Variants in ASCC3 observed in about 807,000 individuals in gnomAD.
The protein encoded by ASCC3 is ASC-1 complex subunit P200.
In ASCC3, 158 loss-of-function variants were observed where a neutral mutation model predicts 256.3. That is an observed-to-expected ratio of 0.62 (90% CI 0.54 to 0.70). The LOEUF (loss-of-function observed/expected upper bound fraction) is 0.70. ASCC3 is among the 30% of genes least tolerant of loss of function. The pLI is 0.00. For synonymous variants in ASCC3, 948 were observed against 883.4 expected (o/e 1.07, Z -1.30); for missense variants, 2,259 against 2,626.0 (o/e 0.86, Z 3.05).
chr6:100,671,025 CT>C (rs2114948982), intron 14 of ASCC3, among the ~76,000 whole-genome samples: 1 of 151,958 alleles, frequency 6.6e-6, no homozygotes, highest in African/African-American at 2.4e-5. Flanking sequence ...TTGGAAAGAC[CT>C]CCTTGTTATA....
At chr6:100,690,776 T>C (rs765689493) in intron 13 of ASCC3, among the ~76,000 whole-genome samples, 1 of 152,142 alleles carries the variant, frequency 6.6e-6, no homozygotes, top group Non-Finnish European at 1.5e-5. Context: ...TAGTGAGATG[T>C]GGTTCCACAG....
intron 37 of ASCC3, among the ~76,000 whole-genome samples, chr6:100,521,012 C>G (rs1340607004): frequency 6.6e-6 from 1 of 152,116 alleles, no homozygotes; most frequent in African/African-American, 2.4e-5. Context: ...CCTTGTAATT[C>G]TAGTCCCAGC....
intron 8 of ASCC3, among the ~76,000 whole-genome samples, chr6:100,777,726 T>A (rs1193981809): frequency 1.3e-5 from 2 of 151,950 alleles, no homozygotes; most frequent in African/African-American, 2.4e-5. Context: ...CAGGACTAAG[T>A]TGAAATGTTG....
chr6:100,581,853 T>C (rs947692204), intron 36 of ASCC3, among the ~76,000 whole-genome samples: 1 of 150,214 alleles, frequency 6.7e-6, no homozygotes, highest in African/African-American at 2.4e-5. Flanking sequence ...CCTTTCCCCA[T>C]TGCTTGTTTT....
intron 8 of ASCC3, among the ~76,000 whole-genome samples, chr6:100,783,878 G>A (rs1173912705): frequency 2.6e-5 from 4 of 151,524 alleles, no homozygotes; most frequent in African/African-American, 9.7e-5. Context: ...TGTTTTAAAT[G>A]CTTTAAGTGC....
At chr6:100,658,360 T>C (rs1256569086) in intron 16 of ASCC3, among the ~76,000 whole-genome samples, 6 of 151,472 alleles carry the variant, frequency 4.0e-5, no homozygotes, top group Admixed American at 3.3e-4. Flanking sequence ...GTTATCTCAA[T>C]TGTTTATTTG....
chr6:100,659,777 T>C (rs898669846), intron 16 of ASCC3, among the ~76,000 whole-genome samples: 1 of 151,552 alleles, frequency 6.6e-6, no homozygotes, highest in Non-Finnish European at 1.5e-5. Context: ...AGGACATAAG[T>C]TTACTGAGAT....
chr6:100,638,962 A>C (rs1250637953), intron 24 of ASCC3, 141 bp from the exon 25 acceptor site: 5 of 713,452 alleles, frequency 7.0e-6, no homozygotes, highest in Admixed American at 2.3e-5. Context: ...TACCCATTAC[A>C]GATCTGGCAT....
chr6:100,785,182 CA>C (rs1194282203), intron 8 of ASCC3, among the ~76,000 whole-genome samples: 1 of 152,048 alleles, frequency 6.6e-6, no homozygotes, highest in African/African-American at 2.4e-5. Context: ...CAAAGCACCT[CA>C]AAAGAGTAAC....
At chr6:100,513,598 A>G (rs987003104) in intron 39 of ASCC3, among the ~76,000 whole-genome samples, 2 of 152,164 alleles carry the variant, frequency 1.3e-5, no homozygotes, top group Non-Finnish European at 2.9e-5. Context: ...ATTTTATATC[A>G]TAAGGAATTC....
chr6:100,782,649 G>A (rs1410472860), intron 8 of ASCC3, among the ~76,000 whole-genome samples: 7 of 152,092 alleles, frequency 4.6e-5, no homozygotes, highest in South Asian at 2.1e-4. Flanking sequence ...GAAACAATCC[G>A]AATTTCCTCA....
At chr6:100,691,854 C>T (rs560645032) in intron 13 of ASCC3, among the ~76,000 whole-genome samples, 2 of 151,824 alleles carry the variant, frequency 1.3e-5, no homozygotes, top group South Asian at 4.2e-4. Context: ...CAAATCATAG[C>T]TCAGCATTTA....
chr6:100,634,338 G>T (rs1327705087), intron 25 of ASCC3, among the ~76,000 whole-genome samples: 1 of 152,044 alleles, frequency 6.6e-6, no homozygotes, highest in African/African-American at 2.4e-5. Context: ...TACAACACTA[G>T]AATTTATTCT....
chr6:100,690,540 A>G (rs917289333), intron 13 of ASCC3, among the ~76,000 whole-genome samples: 4 of 152,172 alleles, frequency 2.6e-5, no homozygotes, highest in African/African-American at 9.7e-5. Context: ...TGAGTGTATC[A>G]ATTCGCATTT....
At chr6:100,512,108 C>T (rs538484129) in intron 40 of ASCC3, among the ~76,000 whole-genome samples, 3 of 152,290 alleles carry the variant, frequency 2.0e-5, no homozygotes, top group East Asian at 1.9e-4. Context: ...AAATACTGTA[C>T]ATTTTTGCCT....
At chr6:100,727,163 A>G (rs888002489) in intron 10 of ASCC3, among the ~76,000 whole-genome samples, 1 of 151,998 alleles carries the variant, frequency 6.6e-6, no homozygotes, top group African/African-American at 2.4e-5. Flanking sequence ...TGTTTATCCT[A>G]GGTAAAGTGT....
intron 10 of ASCC3, among the ~76,000 whole-genome samples, chr6:100,727,519 A>C (rs960248726): frequency 2.0e-5 from 3 of 152,000 alleles, no homozygotes; most frequent in African/African-American, 7.2e-5. Context: ...CTTGAGAAAC[A>C]GAAAATGCAA....
At chr6:100,575,402 A>C (rs928980477) in intron 36 of ASCC3, among the ~76,000 whole-genome samples, 3 of 152,132 alleles carry the variant, frequency 2.0e-5, no homozygotes, top group Non-Finnish European at 4.4e-5. Flanking sequence ...AAACACGATA[A>C]AATTCAAGCA....
chr6:100,733,910 AAAACAAAC>A (rs371689067), intron 10 of ASCC3, among the ~76,000 whole-genome samples: 1 of 152,174 alleles, frequency 6.6e-6, no homozygotes, highest in East Asian at 1.9e-4. Context: ...TATCCCTTTA[AAAACAAAC>A]AAACAAAATA....
Sources: allele counts gnomAD v4.1 joint callset (sites outside exome capture counted in the v4.1 genomes callset), GRCh38; gene constraint gnomAD v4.1.1; transcripts MANE v1.5; gene names NCBI Gene and HGNC (gene_info 2026-07-23, HGNC 2026-07-21).